ARPP21: variants seen among roughly 807,000 people sequenced by gnomAD.
ARPP21 encodes cAMP-regulated phosphoprotein 21.
A neutral mutation model predicts 113.2 loss-of-function variants in ARPP21; 69 were observed. That is an observed-to-expected ratio of 0.61 (90% CI 0.50 to 0.74). ARPP21 has a LOEUF of 0.74. Among genes scored for constraint, ARPP21 ranks in the 30% least tolerant of loss-of-function variants. The probability of loss-of-function intolerance (pLI) is 0.00; values close to 1 mark genes in which losing one functional copy is unlikely to be tolerated. For missense variants in ARPP21, 1,070 were observed against 1,037.4 expected (o/e 1.03, Z -0.43); for synonymous variants, 368 against 375.5 (o/e 0.98, Z 0.23).
intron 19 of ARPP21, among the ~76,000 whole-genome samples, chr3:35,756,410 A>G (rs1360075144): frequency 1.3e-5 from 2 of 152,066 alleles, no homozygotes; most frequent in African/African-American, 4.8e-5. Flanking sequence ...GTTCTTTGGG[A>G]GAGTATGTTA....
In ARPP21 at chr3:35,659,495, T is replaced by C. The variant is rs562828693; in HGVS notation, c.-213+19097T>C. On this transcript the variant is annotated intron_variant, in intron 1 of 20. Transcript: ENST00000684406. ...CATTTCCTATTGTATTCTAGACATCTTGGCGGGTCCTAGAGACCCAGAGAT... is the reference window on the plus strand; with the variant it reads ...CATTTCCTATTGTATTCTAGACATCCTGGCGGGTCCTAGAGACCCAGAGAT... Among the ~76,000 whole-genome samples, 8 of 152,306 alleles carry C rather than the reference T, an allele frequency of 5.3e-5. 1 individual carries two copies. In the East Asian group the frequency reaches 1.2e-3, roughly 22 times the overall value.
At chr3:35,790,016 C>T (rs1052296128) in intron 19 of ARPP21, among the ~76,000 whole-genome samples, 14 of 152,114 alleles carry the variant, frequency 9.2e-5, no homozygotes, top group African/African-American at 3.4e-4. Context: ...GCTAAGCAAC[C>T]CGCTTCTCTT....
intron 11 of ARPP21, among the ~76,000 whole-genome samples, chr3:35,711,163 G>C (rs373175267): frequency 6.6e-6 from 1 of 152,100 alleles, no homozygotes; most frequent in South Asian, 2.1e-4. Flanking sequence ...TTACTAATTT[G>C]AGTGGAGGAC....
intron 19 of ARPP21, among the ~76,000 whole-genome samples, chr3:35,780,141 T>G (rs895042482): frequency 6.6e-6 from 1 of 152,174 alleles, no homozygotes; most frequent in Admixed American, 6.6e-5. Context: ...ATTTGCTAGC[T>G]TTTTTTCTAC....
intron 9 of ARPP21, among the ~76,000 whole-genome samples, chr3:35,698,431 T>C (rs1175230993): frequency 1.3e-5 from 2 of 151,702 alleles, no homozygotes; most frequent in East Asian, 3.9e-4. Flanking sequence ...TATAACATAG[T>C]ATCCTTAATA....
At chr3:35,736,906 G>A (rs568723534) in intron 15 of ARPP21, among the ~76,000 whole-genome samples, 12 of 152,242 alleles carry the variant, frequency 7.9e-5, no homozygotes, top group East Asian at 1.9e-4. Context: ...GGGTACCTCC[G>A]TCCACAGATA....
intron 1 of ARPP21, among the ~76,000 whole-genome samples, chr3:35,674,848 G>A (rs1247185884): frequency 1.3e-5 from 2 of 151,880 alleles, no homozygotes; most frequent in African/African-American, 2.4e-5. Context: ...TTGTAGGCTC[G>A]TTCACAAGGA....
At chr3:35,664,527 G>A (rs1709297759) in intron 1 of ARPP21, among the ~76,000 whole-genome samples, 1 of 152,126 alleles carries the variant, frequency 6.6e-6, no homozygotes, top group Non-Finnish European at 1.5e-5. Context: ...AGGTGGCTCT[G>A]CCAGAGCGTT....
At chr3:35,784,919 T>C (rs900485567) in intron 19 of ARPP21, 4 of 152,082 alleles carry the variant, frequency 2.6e-5, no homozygotes, top group Admixed American at 2.0e-4. Context: ...TTCAAGATAA[T>C]TGGCCAAGGC....
intron 1 of ARPP21, among the ~76,000 whole-genome samples, chr3:35,670,212 G>A (rs2075983575): frequency 6.6e-6 from 1 of 151,982 alleles, no homozygotes; most frequent in Non-Finnish European, 1.5e-5. Context: ...CATTTTCTTT[G>A]ACTCTGGCTT....
rs1466194000 is a variant in ARPP21, at chr3:35,709,069, A to T, written c.896A>T (p.Asp299Val). ...GTGAGGGAGAGAATATTTGCACACG[A>T]TGTGAGTAGTTGTTTTAATTGCCTC... ...QRVRERIFAH[D>V]SVCSQESLFV... Residue 299 changes from aspartate to valine, a missense_variant and splice_region_variant, in exon 11 of 21, where the codon GAT (aspartate) becomes GTT (valine). Asp to Val is a radical substitution (Grantham distance 152). Transcript: ENST00000684406. The T allele has an allele frequency of 1.0e-5, 16 of 1,605,948 alleles. No individual in the cohort carries two copies. The highest frequency in any genetic ancestry group is 1.2e-5 in the Non-Finnish European group (14 of 1,172,762).
chr3:35,694,426 T>C (rs995020499), intron 9 of ARPP21, among the ~76,000 whole-genome samples: 3 of 151,502 alleles, frequency 2.0e-5, no homozygotes, highest in African/African-American at 7.3e-5. Context: ...CTTTACATCT[T>C]GTAATAATAT....
At chr3:35,732,044 A>ATC (rs1453448448) in intron 15 of ARPP21, among the ~76,000 whole-genome samples, 1 of 152,206 alleles carries the variant, frequency 6.6e-6, no homozygotes, top group East Asian at 1.9e-4. Flanking sequence ...TTGAAGGAAT[A>ATC]TCTACTACCC....
At chr3:35,664,494 A>T (rs954350842) in intron 1 of ARPP21, among the ~76,000 whole-genome samples, 18 of 152,062 alleles carry the variant, frequency 1.2e-4, no homozygotes, top group Admixed American at 1.3e-4. Flanking sequence ...ATCATTTCTG[A>T]TACCCTGCAA....
chr3:35,742,263 A>G (rs1043719483), intron 18 of ARPP21, among the ~76,000 whole-genome samples: 4 of 152,236 alleles, frequency 2.6e-5, no homozygotes, highest in Admixed American at 2.6e-4. Flanking sequence ...ATGTAAATAT[A>G]AATGCTGACA....
At chr3:35,748,320 A>AAAAG (rs764610275) in intron 19 of ARPP21, among the ~76,000 whole-genome samples, 41 of 148,854 alleles carry the variant, frequency 2.8e-4, no homozygotes, top group African/African-American at 4.7e-4. Context: ...GAAAGAAAGA[A>AAAAG]AAAGAAAGAA....
chr3:35,673,979 A>C (rs2076932017), intron 1 of ARPP21, among the ~76,000 whole-genome samples: 1 of 151,996 alleles, frequency 6.6e-6, no homozygotes, highest in South Asian at 2.1e-4. Flanking sequence ...AATTGAAGAT[A>C]TGCATTTTAT....
At chr3:35,751,642 A>G (rs1172722715) in intron 19 of ARPP21, among the ~76,000 whole-genome samples, 3 of 152,274 alleles carry the variant, frequency 2.0e-5, no homozygotes, top group South Asian at 2.1e-4. Context: ...AGCCAGAATG[A>G]GATATGAGTA....
At chr3:35,703,253 G>A (rs1047262945) in intron 9 of ARPP21, among the ~76,000 whole-genome samples, 3 of 151,820 alleles carry the variant, frequency 2.0e-5, no homozygotes, top group East Asian at 1.9e-4. Context: ...ATAATAATGA[G>A]TGCTCATCTA....
Sources: allele counts gnomAD v4.1 joint callset (sites outside exome capture counted in the v4.1 genomes callset), GRCh38; gene constraint gnomAD v4.1.1; transcripts MANE v1.5; gene names NCBI Gene and HGNC (gene_info 2026-07-23, HGNC 2026-07-21).